The following ARHGAP26 variants were observed in gnomAD, a reference collection of about 807,000 sequenced individuals.
ARHGAP26 encodes rho GTPase-activating protein 26.
In ARHGAP26, 38 loss-of-function variants were observed where a neutral mutation model predicts 104.8. The ratio of observed to expected loss-of-function variants is 0.36; its 90% CI spans 0.28 to 0.48. The LOEUF (loss-of-function observed/expected upper bound fraction) is 0.48. Ranked by LOEUF, ARHGAP26 falls within the 20% of genes least tolerant of loss-of-function variation. ARHGAP26 has a pLI of 0.99. For missense variants in ARHGAP26, 704 were observed against 947.9 expected, an observed-to-expected ratio of 0.74 and a Z score of 3.38; for synonymous variants, 341 against 340.0, an observed-to-expected ratio of 1.00 and a Z score of -0.03.
intron 21 of ARHGAP26, among the ~76,000 whole-genome samples, chr5:143,208,948 A>T (rs1197613879): frequency 6.6e-6 from 1 of 152,200 alleles, no homozygotes; most frequent in Non-Finnish European, 1.5e-5. Flanking sequence ...AGATACCAGA[A>T]ATAGCATAGA....
intron 2 of ARHGAP26, among the ~76,000 whole-genome samples, 164 bp downstream of exon 2, chr5:142,873,659 G>A (rs564803543): frequency 6.6e-6 from 1 of 152,204 alleles, no homozygotes; most frequent in East Asian, 1.9e-4. Context: ...GGAGCTTGGG[G>A]CTACTCTGGT....
intron 1 of ARHGAP26, among the ~76,000 whole-genome samples, chr5:142,842,948 A>T (rs1410347233): frequency 6.6e-6 from 1 of 152,172 alleles, no homozygotes; most frequent in East Asian, 1.9e-4. Flanking sequence ...CACATCAGTT[A>T]GATCGACTTC....
chr5:142,964,546 ACACAC>A (rs1770945205), intron 11 of ARHGAP26, among the ~76,000 whole-genome samples: 2 of 139,328 alleles, frequency 1.4e-5, no homozygotes, highest in East Asian at 2.0e-4. Context: ...TGTTTAAAAC[ACACAC>A]ACACACACAC....
chr5:142,964,929 C>T (rs1771042436), intron 11 of ARHGAP26, among the ~76,000 whole-genome samples: 1 of 152,148 alleles, frequency 6.6e-6, no homozygotes, highest in African/African-American at 2.4e-5. Context: ...CCCCGAATGT[C>T]TGGCTGTGCT....
intron 10 of ARHGAP26, among the ~76,000 whole-genome samples, chr5:142,915,894 C>T (rs1762411880): frequency 6.6e-6 from 1 of 152,096 alleles, no homozygotes; most frequent in South Asian, 2.1e-4. Context: ...GGAACTCTGC[C>T]CGGAATCCTT....
chr5:143,145,377 T>A (rs1360522173), intron 19 of ARHGAP26, among the ~76,000 whole-genome samples: 1 of 152,186 alleles, frequency 6.6e-6, no homozygotes, highest in African/African-American at 2.4e-5. Context: ...AAGCAGTAAA[T>A]GTCTCCAGTT....
intron 1 of ARHGAP26, among the ~76,000 whole-genome samples, chr5:142,777,464 C>A (rs745436301): frequency 6.6e-6 from 1 of 152,204 alleles, no homozygotes; most frequent in Admixed American, 6.5e-5. Flanking sequence ...ACTTTGTTAT[C>A]CTGTCAAGGT....
At chr5:142,928,787 G>A (rs1241409712) in intron 10 of ARHGAP26, among the ~76,000 whole-genome samples, 1 of 152,186 alleles carries the variant, frequency 6.6e-6, no homozygotes, top group African/African-American at 2.4e-5. Flanking sequence ...ACAGCAACTG[G>A]CATATACTGC....
chr5:143,009,071 C>CT lies in ARHGAP26; in HGVS notation c.1108-5008dup, dbSNP rs563520551. ...CTGTGATTTGTATCAAAGAGCTACT[C>CT]TCCCCCCCTGGTGTTTATCGTCAGG... On this transcript the variant is annotated intron_variant, in intron 11 of 22. Transcript: ENST00000645722. Among the ~76,000 whole-genome samples the CT allele has an allele frequency of 7.9e-5, 12 of 152,196 alleles. No homozygotes were observed. The East Asian group carries it at 1.9e-3, about 24-fold the overall frequency.
At chr5:142,902,289 C>T (rs1760468140) in intron 7 of ARHGAP26, among the ~76,000 whole-genome samples, 2 of 152,184 alleles carry the variant, frequency 1.3e-5, no homozygotes. Flanking sequence ...GGTTATGTTT[C>T]AAATTTGTAG....
intron 19 of ARHGAP26, among the ~76,000 whole-genome samples, chr5:143,144,537 A>C (rs1320998972): frequency 6.6e-6 from 1 of 152,056 alleles, no homozygotes; most frequent in Non-Finnish European, 1.5e-5. Context: ...TCCCAAGTAC[A>C]TGGGACCACA....
intron 17 of ARHGAP26, among the ~76,000 whole-genome samples, chr5:143,080,768 G>A (rs147338151): frequency 5.9e-5 from 9 of 152,282 alleles, no homozygotes; most frequent in African/African-American, 9.6e-5. Flanking sequence ...TTCTGAGGGT[G>A]TGAATGGCAC....
At chr5:143,125,970 G>A (rs1010291699) in intron 18 of ARHGAP26, among the ~76,000 whole-genome samples, 34 of 152,190 alleles carry the variant, frequency 2.2e-4, no homozygotes, top group African/African-American at 8.2e-4. Context: ...ATCTACTCTA[G>A]TTAATCTCTT....
intron 17 of ARHGAP26, among the ~76,000 whole-genome samples, chr5:143,088,711 G>A (rs767691579): frequency 5.9e-5 from 9 of 152,164 alleles, no homozygotes; most frequent in African/African-American, 1.7e-4. Context: ...ATGGAGCAGC[G>A]GTGAGCGCAC....
chr5:142,806,946 G>A (rs1437730252), intron 1 of ARHGAP26, among the ~76,000 whole-genome samples: 1 of 152,204 alleles, frequency 6.6e-6, no homozygotes, highest in African/African-American at 2.4e-5. Flanking sequence ...TGAGGGCTTT[G>A]ATATAGAACA....
intron 19 of ARHGAP26, among the ~76,000 whole-genome samples, chr5:143,139,067 TAAG>T (rs1195591331): frequency 6.6e-6 from 1 of 152,214 alleles, no homozygotes; most frequent in Non-Finnish European, 1.5e-5. Context: ...CAGTTCCACT[TAAG>T]AACCTGGAGT....
intron 14 of ARHGAP26, among the ~76,000 whole-genome samples, chr5:143,045,089 G>T (rs1388283500): frequency 6.6e-6 from 1 of 152,192 alleles, no homozygotes; most frequent in African/African-American, 2.4e-5. Context: ...GCAAAAGAGT[G>T]GTTATGAAAG....
At position 143,224,933 on chromosome 5, in the gene ARHGAP26, A is replaced by G; in HGVS notation, c.*2487A>G. The G allele has an allele frequency of 4.5e-6, 1 of 223,948 alleles. No individual in the cohort carries two copies. The highest frequency in any genetic ancestry group is 5.7e-5 in the Admixed American group (1 of 17,508). 13.9% of individuals were successfully genotyped at this position (223,948 alleles called of 1,614,324 possible). A position where few individuals can be genotyped will look rare whatever the true frequency, so the allele number is the denominator to read the frequency against. ...ACAGCTCTTTTCCGGGAACTCACCC[A>G]GGAGCAAGCGAGACACTACCATTGA... On this transcript the variant is annotated 3_prime_UTR_variant, in exon 23 of 23. Transcript: ENST00000645722.
chr5:142,840,975 A>C (rs1460594251), intron 1 of ARHGAP26, among the ~76,000 whole-genome samples: 2 of 152,226 alleles, frequency 1.3e-5, no homozygotes, highest in East Asian at 3.8e-4. Context: ...AAGTGTGAAA[A>C]GATGGAGATT....
Sources: allele counts gnomAD v4.1 joint callset (sites outside exome capture counted in the v4.1 genomes callset), GRCh38; gene constraint gnomAD v4.1.1; transcripts MANE v1.5; gene names NCBI Gene and HGNC (gene_info 2026-07-23, HGNC 2026-07-21).